The following INSR variants were observed in gnomAD, a reference collection of about 807,000 sequenced individuals.
INSR encodes the protein IR.
In INSR, 67 loss-of-function variants were observed where a neutral mutation model predicts 142.6. The observed-to-expected ratio is 0.47, with a 90% CI of 0.39 to 0.58. The LOEUF is 0.58. Ranked by LOEUF, INSR falls within the 20% of genes least tolerant of loss-of-function variation. INSR has a pLI of 0.00. For missense variants in INSR, 1,248 were observed against 1,833.2 expected (o/e 0.68, Z 5.83); for synonymous variants, 756 against 743.1 (o/e 1.02, Z -0.28).
At chr19:7,182,636 T>C (rs1318314440) in intron 3 of INSR, among the ~76,000 whole-genome samples, 1 of 152,114 alleles carries the variant, frequency 6.6e-6, no homozygotes, top group Non-Finnish European at 1.5e-5. Flanking sequence ...TCAGGAAAGG[T>C]CCCAGATACC....
intron 13 of INSR, among the ~76,000 whole-genome samples, chr19:7,136,011 T>A (rs959459884): frequency 6.6e-6 from 1 of 151,520 alleles, no homozygotes; most frequent in African/African-American, 2.4e-5. Context: ...AACTCTTTCC[T>A]AAAGCAGCTG....
At chr19:7,142,389 C>CAAAA (rs34453877) in intron 12 of INSR, among the ~76,000 whole-genome samples, 5 of 42,138 alleles carry the variant, frequency 1.2e-4, no homozygotes, top group African/African-American at 4.1e-4. Flanking sequence ...GACTTCATCT[C>CAAAA]AAAAAAAAAA....
chr19:7,126,963 A>G (rs1255194665), intron 15 of INSR, among the ~76,000 whole-genome samples: 1 of 152,088 alleles, frequency 6.6e-6, no homozygotes, highest in African/African-American at 2.4e-5. Context: ...CAGTGGTATA[A>G]TCATAGCTCA....
At chr19:7,126,505 T>G in intron 16 of INSR, 79 bp downstream of exon 16, 3 of 1,304,042 alleles carry the variant, frequency 2.3e-6, no homozygotes, top group Non-Finnish European at 3.2e-6. Flanking sequence ...AACCCATCCT[T>G]CACTCTCACT....
intron 9 of INSR, among the ~76,000 whole-genome samples, chr19:7,153,229 C>CACAT (rs1973465424): frequency 2.3e-4 from 1 of 4,298 alleles, no homozygotes; most frequent in Non-Finnish European, 9.8e-4. Flanking sequence ...ACACGCACCA[C>CACAT]ACACACACCA....
intron 2 of INSR, among the ~76,000 whole-genome samples, chr19:7,233,057 C>T (rs115482962): frequency 0.011 from 1,705 of 152,050 alleles, 38 homozygotes; most frequent in African/African-American, 0.039. Context: ...GCCACCTCGC[C>T]ATCTCGGCTC....
chr19:7,197,068 GT>G (rs1054885968), intron 2 of INSR, among the ~76,000 whole-genome samples: 17 of 152,338 alleles, frequency 1.1e-4, no homozygotes, highest in African/African-American at 4.1e-4. Context: ...AGGGGCAGGG[GT>G]TGGGGGCAGC....
At chr19:7,180,845 C>G (rs1186411748) in intron 3 of INSR, among the ~76,000 whole-genome samples, 1 of 152,114 alleles carries the variant, frequency 6.6e-6, no homozygotes, top group African/African-American at 2.4e-5. Flanking sequence ...TGAGAACTGG[C>G]CGAGCCCTCC....
chr19:7,195,746 A>G (rs976151206), intron 2 of INSR, among the ~76,000 whole-genome samples: 1 of 152,106 alleles, frequency 6.6e-6, no homozygotes, highest in African/African-American at 2.4e-5. Context: ...GCAGCATTCA[A>G]ATGCAAAGTG....
At chr19:7,291,609 C>T (rs556981867) in intron 1 of INSR, among the ~76,000 whole-genome samples, 1 of 152,206 alleles carries the variant, frequency 6.6e-6, no homozygotes, top group East Asian at 1.9e-4. Flanking sequence ...TGAACAACAA[C>T]AAACCATAAA....
At chr19:7,239,995 C>T (rs1600079245) in intron 2 of INSR, among the ~76,000 whole-genome samples, 2 of 152,076 alleles carry the variant, frequency 1.3e-5, no homozygotes, top group Admixed American at 6.6e-5. Flanking sequence ...AGTGCAGTGG[C>T]GCCATCTCAG....
intron 2 of INSR, among the ~76,000 whole-genome samples, chr19:7,190,521 G>A (rs911553423): frequency 9.9e-5 from 15 of 151,916 alleles, no homozygotes; most frequent in Admixed American, 6.6e-5. Flanking sequence ...ACAGGCGCCC[G>A]TCATCACGCC....
chr19:7,124,541 GAAAAAAAAAAAAAAAAAAAAAAAAAAA>G (rs531613079), intron 17 of INSR, among the ~76,000 whole-genome samples: 4 of 9,916 alleles, frequency 4.0e-4, no homozygotes, highest in Admixed American at 2.3e-3. Flanking sequence ...TCCGTTTCAG[GAAAAAAAAAAAAAAAAAAAAAAAAAAA>G]AAAAAAAAAA....
At chr19:7,217,435 A>G (rs1975468054) in intron 2 of INSR, among the ~76,000 whole-genome samples, 1 of 152,170 alleles carries the variant, frequency 6.6e-6, no homozygotes, top group Non-Finnish European at 1.5e-5. Flanking sequence ...GGTGACAGGG[A>G]TTACGATGTG....
chr19:7,236,138 T>C (rs984882313), intron 2 of INSR, among the ~76,000 whole-genome samples: 2 of 149,054 alleles, frequency 1.3e-5, no homozygotes, highest in African/African-American at 5.0e-5. Flanking sequence ...ATTTTTGTAT[T>C]TTGAGTAGAG....
intron 2 of INSR, among the ~76,000 whole-genome samples, chr19:7,259,044 C>A (rs1237282182): frequency 7.0e-6 from 1 of 141,932 alleles, no homozygotes; most frequent in Non-Finnish European, 1.6e-5. Flanking sequence ...CTCCTTCCTT[C>A]CTTTCTTTCT....
Position 7,132,205 on chromosome 19 carries a change from C to T in INSR, c.2795G>A (p.Gly932Asp). 6.2e-7 allele frequency: 1 copy of T among 1,614,202 alleles called. No homozygotes were observed. The highest frequency in any genetic ancestry group is 8.5e-7 in the Non-Finnish European group (1 of 1,180,036). The change falls in exon 14 of 22, where the codon GGC becomes GAC. Residue 932 changes from glycine to aspartate, a missense_variant. Transcript: ENST00000302850. ...SVRIRATSLA[G>D]NGSWTEPTYF... The stretch of plus-strand genomic sequence containing the variant: ...GGTGGGTTCCGTCCAAGAGCCGTTG[C>T]CCGCAAGGGAGGTGGCCCGGATTCG...
chr19:7,273,279 A>G (rs1027198575), intron 1 of INSR, among the ~76,000 whole-genome samples: 2 of 152,162 alleles, frequency 1.3e-5, no homozygotes, highest in South Asian at 2.1e-4. Flanking sequence ...ATGTGTCCCT[A>G]TTAGTGAAAG....
intron 5 of INSR, 68 bp downstream of exon 5, chr19:7,172,222 T>C (rs1974031819): frequency 6.3e-7 from 1 of 1,589,428 alleles, no homozygotes; most frequent in Non-Finnish European, 8.6e-7. Flanking sequence ...AAAAAAATCC[T>C]TAAGTTGTTC....
Sources: gnomAD v4.1 joint callset for allele counts (sites outside exome capture counted in the v4.1 genomes callset) on GRCh38, gnomAD v4.1.1 for gene constraint, MANE v1.5 for transcripts, NCBI Gene and HGNC (gene_info 2026-07-23, HGNC 2026-07-21) for gene names.